The following DFFA variants were observed in gnomAD, a reference collection of about 807,000 sequenced individuals.
DFFA encodes DNA fragmentation factor subunit alpha.
DFFA carries 14 observed loss-of-function variants against 28.0 expected under a neutral mutation model. The ratio of observed to expected loss-of-function variants is 0.50; its 90% confidence interval spans 0.33 to 0.78. The LOEUF is 0.78. DFFA is among the 30% of genes least tolerant of loss of function. The pLI is 0.02. For synonymous variants in DFFA, 158 were observed against 170.3 expected (o/e 0.93, Z 0.56); for missense variants, 395 against 407.1 (o/e 0.97, Z 0.26).
intron 3 of DFFA, 110 bp from the exon 4 acceptor site, chr1:10,463,730 T>C: frequency 4.4e-6 from 5 of 1,148,342 alleles, no homozygotes; most frequent in South Asian, 1.6e-5. Flanking sequence ...GATGGTGTGA[T>C]CTCGGCTCAC....
rs943865719 is a variant in DFFA at position 10,456,856 on chromosome 1, C to T, written c.*4634G>A. On this transcript the variant is annotated 3_prime_UTR_variant, in exon 6 of 6. Transcript: ENST00000377038. ...CTTCTACCACAAGAACGGGCATGCC[C>T]TGCCCTCTCTCACTCCTATTTTTAG... The T allele has an allele frequency of 6.6e-6, 1 of 152,182 alleles. No individual in the cohort carries two copies. Among genetic ancestry groups the T allele is most frequent in the African/African-American group, 2.4e-5 (1 of 41,432 alleles). The allele number at this position is 152,182 out of a possible 1,614,324, so 9.4% of individuals were successfully genotyped here.
chr1:10,466,496 A>G (rs1351085707), intron 3 of DFFA, among the ~76,000 whole-genome samples: 1 of 151,870 alleles, frequency 6.6e-6, no homozygotes, highest in African/African-American at 2.4e-5. Context: ...GCCTATCCCA[A>G]TCTTACTAGA....
rs538676013 is a variant in DFFA, at chr1:10,462,755, C to T, written c.783+303G>A. On this transcript the variant is annotated intron_variant, in intron 5 of 5. Transcript: ENST00000377038. ...TAGATCTTCTCTGACCATGGAAAGA[C>T]CCAGAAGCCATCTCAGAAGATTGGG... The T allele has an allele frequency of 1.2e-5, 15 of 1,230,682 alleles. No individual in the cohort carries two copies. The African/African-American group carries it at 2.3e-4, about 19-fold the overall frequency. The allele number at this position is 1,230,682 out of a possible 1,614,324, so 76.2% of individuals were successfully genotyped here. A position where few individuals can be genotyped will look rare whatever the true frequency, so the allele number is the denominator to read the frequency against.
intron 3 of DFFA, 63 bp from the exon 4 acceptor site, chr1:10,463,683 T>A: frequency 7.3e-7 from 1 of 1,374,086 alleles, no homozygotes; most frequent in South Asian, 1.4e-5. Flanking sequence ...TTTTTTTTTT[T>A]GAGACGGAGT....
chr1:10,459,175 AATAACT>A lies in DFFA; in HGVS notation c.*2309_*2314del, dbSNP rs2124334217. On this transcript the variant is annotated 3_prime_UTR_variant, in exon 6 of 6. Transcript: ENST00000377038. ...GGCCTATTGTGATATTTCTTTACTT[AATAACT>A]AGCAGATGAATCTCTTAACAGTATT... is the stretch of plus-strand genomic sequence containing the variant. The A allele has an allele frequency of 6.6e-6, 1 of 152,314 alleles. No individual in the cohort carries two copies. The highest frequency in any genetic ancestry group is 2.1e-4 in the South Asian group (1 of 4,826). 9.4% of individuals were successfully genotyped at this position (152,314 alleles called of 1,614,324 possible).
rs1400755044 is a variant in DFFA at position 10,457,743 on chromosome 1, T to C, written c.*3747A>G. On this transcript the variant is annotated 3_prime_UTR_variant, in exon 6 of 6. Transcript: ENST00000377038. ...CCCTTTCAAGCTTGGAGCCTTAGACTAACTGAGAGGTTAGACTCAAGCCGG... is the reference window on the plus strand; with the variant it reads ...CCCTTTCAAGCTTGGAGCCTTAGACCAACTGAGAGGTTAGACTCAAGCCGG... The C allele has an allele frequency of 1.3e-5, 2 of 152,142 alleles. No individual in the cohort carries two copies. Among genetic ancestry groups the C allele is most frequent in the East Asian group, 3.9e-4 (2 of 5,186 alleles). 9.4% of individuals were successfully genotyped at this position (152,142 alleles called of 1,614,324 possible).
rs767131713 is a variant in DFFA, at chr1:10,461,645, T to A, written c.841A>T (p.Lys281Ter). The A allele has an allele frequency of 6.2e-7, 1 of 1,614,206 alleles. No homozygotes were observed. Among genetic ancestry groups the A allele is most frequent in the East Asian group, 2.2e-5 (1 of 44,880 alleles). ...CAGGCCTCCTGAACAGTCTCCGTCT[T>A]CTTTATGTCCCAGTTCAAGGCAACA... is the stretch of plus-strand genomic sequence containing the variant. ...LAVALNWDIKKTETVQEACER... is the reference protein window; with the variant it reads ...LAVALNWDIK Residue 281 changes from lysine (K) to a stop codon, truncating the protein, a stop_gained, in exon 6 of 6, where the codon AAG becomes TAG. Coordinates refer to ENST00000377038, the MANE Select transcript of DFFA (RefSeq NM_004401.3). LOFTEE classifies it low-confidence loss of function (END_TRUNC).
At position 10,463,562 on chromosome 1, in the gene DFFA, G is replaced by A. The variant is rs1395189408; in HGVS notation, c.500C>T (p.Thr167Ile). 30 of 1,614,084 alleles carry A rather than the reference G, an allele frequency of 1.9e-5. No individual in the cohort carries two copies. Among genetic ancestry groups the A allele is most frequent in the Non-Finnish European group, 2.5e-5 (29 of 1,180,036 alleles). ...LAQELRQSCA[T>I]VQRLQHTLQQ... ...GAGTGTGTGCTGCAGCCGCTGGACG[G>A]TGGCACAACTCTGACGTAGTTCCTG... The change falls in exon 4 of 6, where the codon ACC becomes ATC. Residue 167 changes from threonine to isoleucine, a missense_variant. Physicochemically the swap from Thr to Ile is moderately conservative, Grantham distance 89. Transcript: ENST00000377038.
At position 10,457,780 on chromosome 1, in the gene DFFA, C is replaced by G. The variant is rs1339233299; in HGVS notation, c.*3710G>C. On this transcript the variant is annotated 3_prime_UTR_variant, in exon 6 of 6. Coordinates refer to ENST00000377038, the MANE Select transcript of DFFA (RefSeq NM_004401.3). ...TAGACTCAAGCCGGTTTGTCTCACT[C>G]CCAAATCCACAGGACATTTTCCATT... is the stretch of plus-strand genomic sequence containing the variant. 2.0e-5 allele frequency: 3 copies of G among 152,220 alleles called. No individual in the cohort carries two copies. The highest frequency in any genetic ancestry group is 1.3e-4 in the Admixed American group (2 of 15,260). The allele number at this position is 152,220 out of a possible 1,614,324, so 9.4% of individuals were successfully genotyped here.
chr1:10,462,784 T>C (rs1275902630), intron 5 of DFFA: 2 of 1,299,768 alleles, frequency 1.5e-6, no homozygotes, highest in Non-Finnish European at 2.0e-6. Context: ...GATTGGGCCC[T>C]GCTATTCCTC....
Position 10,460,732 on chromosome 1 carries a change from G to C in DFFA, c.*758C>G, listed in dbSNP as rs900102291. 3 of 150,580 alleles carry C rather than the reference G, an allele frequency of 2.0e-5. No individual in the cohort carries two copies. Among genetic ancestry groups the C allele is most frequent in the Admixed American group, 6.6e-5 (1 of 15,054 alleles). The allele number at this position is 150,580 out of a possible 1,614,324, so 9.3% of individuals were successfully genotyped here. A position where few individuals can be genotyped will look rare whatever the true frequency, so the allele number is the denominator to read the frequency against. ...TTTTAGTAAAAACACGTTTCACTGT[G>C]TTAGCCAGGATGGTCTCGATCTCCT... On this transcript the variant is annotated 3_prime_UTR_variant, in exon 6 of 6. Transcript: ENST00000377038.
At position 10,463,076 on chromosome 1, in the gene DFFA, T is replaced by C; in HGVS notation, c.765A>G (p.Leu255=). The change falls in exon 5 of 6, where the codon TTA becomes TTG. Residue 255 remains leucine (L), a synonymous_variant. Coordinates refer to ENST00000377038, the MANE Select transcript of DFFA (RefSeq NM_004401.3). The part of the protein sequence containing the change: ...LREKQAPELS[L]SSQDLELVTK... ...CGCCCACCTCCAAATCCTGACTAGA[T>C]AAGCTCAGCTCTGGAGCCTGCTTCT... 1 of 1,614,120 alleles carries C rather than the reference T, an allele frequency of 6.2e-7. No homozygotes were observed. The highest frequency in any genetic ancestry group is 8.5e-7 in the Non-Finnish European group (1 of 1,180,026).
At chr1:10,471,373 C>G (rs1294184220) in intron 1 of DFFA, among the ~76,000 whole-genome samples, 1 of 152,164 alleles carries the variant, frequency 6.6e-6, no homozygotes, top group Non-Finnish European at 1.5e-5. Flanking sequence ...GCAGAGAACA[C>G]CAGCCTCTGT....
intron 3 of DFFA, among the ~76,000 whole-genome samples, 175 bp downstream of exon 3, chr1:10,467,015 A>G (rs1641032518): frequency 6.6e-6 from 1 of 151,970 alleles, no homozygotes. Flanking sequence ...GAGGGTTGAA[A>G]AATTACTCTA....
At chr1:10,469,902 C>T (rs984898553) in intron 1 of DFFA, among the ~76,000 whole-genome samples, 7 of 150,974 alleles carry the variant, frequency 4.6e-5, no homozygotes, top group South Asian at 2.1e-4. Flanking sequence ...CAGCAACCTC[C>T]GCCTCCCGGG....
rs200190552 is a variant in DFFA at position 10,467,374 on chromosome 1, G to A, written c.299-42C>T. The stretch of plus-strand genomic sequence containing the variant: ...AATGCCAGTCACAGAACAACCTGAA[G>A]TGCTGTTTTCACCTCCTCCCCCAGC... On this transcript the variant is annotated intron_variant, in intron 2 of 5. Coordinates refer to ENST00000377038, the MANE Select transcript of DFFA (RefSeq NM_004401.3). The A allele has an allele frequency of 1.5e-3, 2,383 of 1,613,006 alleles. 6 individuals carry two copies. Among genetic ancestry groups the A allele is most frequent in the Non-Finnish European group, 1.8e-3 (2,180 of 1,179,312 alleles).
At position 10,467,196 on chromosome 1, in the gene DFFA, G is replaced by A. The variant is rs1457701526; in HGVS notation, c.435C>T (p.Asp145=). 1.9e-6 allele frequency: 3 copies of A among 1,614,020 alleles called. No homozygotes were observed. Among genetic ancestry groups the A allele is most frequent in the Non-Finnish European group, 2.5e-6 (3 of 1,179,968 alleles). The change falls in exon 3 of 6, where the codon GAC becomes GAT. Residue 145 remains aspartate, a synonymous_variant. Transcript: ENST00000377038. ...LSSIILLSEE[D]LQMLVDAPCS... ...GTTGTGGAGGAGGCTTTACCTGGAG[G>A]TCCTCCTCTGATAGGAGGATGATGC...
intron 1 of DFFA, among the ~76,000 whole-genome samples, chr1:10,469,812 C>T (rs566172770): frequency 1.3e-5 from 2 of 151,086 alleles, no homozygotes; most frequent in Admixed American, 1.3e-4. Context: ...AGCCACTGTG[C>T]TCAGCCCTAA....
At chr1:10,463,273 G>T in intron 4 of DFFA, 64 bp from the exon 5 acceptor site, 2 of 1,586,820 alleles carry the variant, frequency 1.3e-6, no homozygotes, top group South Asian at 1.1e-5. Flanking sequence ...TGAACAACTC[G>T]CCAGAATAAC....
Sources: allele counts gnomAD v4.1 joint callset (sites outside exome capture counted in the v4.1 genomes callset), GRCh38; gene constraint gnomAD v4.1.1; transcripts MANE v1.5; gene names NCBI Gene and HGNC (gene_info 2026-07-23, HGNC 2026-07-21).